Variants in DNASE1 observed in about 807,000 individuals in gnomAD.
DNASE1 encodes deoxyribonuclease 1.
A neutral mutation model predicts 33.9 loss-of-function variants in DNASE1; 40 were observed. That is an observed-to-expected ratio of 1.18 (90% CI 0.92 to 1.54). The LOEUF (loss-of-function observed/expected upper bound fraction) is 1.54. Among genes scored for constraint, DNASE1 ranks in the 40% most tolerant of loss-of-function variants. The probability of loss-of-function intolerance (pLI) is 0.00; values close to 1 mark genes in which losing one functional copy is unlikely to be tolerated. For synonymous variants in DNASE1, 216 were observed against 160.0 expected (o/e 1.35, Z -2.64); for missense variants, 518 against 372.6 (o/e 1.39, Z -3.21).
downstream of DNASE1, chr16:3,658,922 C>T: frequency 6.4e-7 from 1 of 1,571,988 alleles, no homozygotes; most frequent in Non-Finnish European, 8.7e-7. Flanking sequence ...GTGACCCTCC[C>T]TTCATGTTTT....
chr16:3,651,011 C>T (rs1261425716), upstream of DNASE1: 1 of 152,200 alleles, frequency 6.6e-6, no homozygotes, highest in Admixed American at 6.6e-5. Context: ...TGATGGTGCT[C>T]TGTGAGTTCA....
chr16:3,657,202 G>GGCGACTTCAAT lies in DNASE1; in HGVS notation c.569_579dup (p.Gly194ThrfsTer9). 6.2e-7 allele frequency: 1 copy of GGCGACTTCAAT among 1,614,088 alleles called. No individual in the cohort carries two copies. The highest frequency in any genetic ancestry group is 1.3e-5 in the African/African-American group (1 of 75,044). On this transcript the variant is annotated frameshift_variant, in exon 7 of 9. Coordinates refer to ENST00000246949, the MANE Select transcript of DNASE1 (RefSeq NM_005223.4). LOFTEE classifies it high-confidence loss of function. The stretch of plus-strand genomic sequence containing the variant: ...TTCCTGGTAGGACGTCATGTTGATG[G>GGCGACTTCAAT]GCGACTTCAATGCGGGCTGCAGCTA...
chr16:3,646,046 T>G (rs2042163473), intron 1 of DNASE1, among the ~76,000 whole-genome samples: 1 of 151,780 alleles, frequency 6.6e-6, no homozygotes, highest in Non-Finnish European at 1.5e-5. Context: ...GAACCCCGAG[T>G]AGAGCCAGCC....
intron 1 of DNASE1, among the ~76,000 whole-genome samples, chr16:3,647,997 G>A (rs550485640): frequency 2.0e-5 from 3 of 152,142 alleles, no homozygotes; most frequent in South Asian, 4.2e-4. Context: ...GCAAAACCCC[G>A]TCTTTACTGA....
At chr16:3,661,946 G>A (rs1376606006), downstream of DNASE1, 1 of 1,554,942 alleles carries the variant, frequency 6.4e-7, no homozygotes, top group Admixed American at 1.9e-5. Flanking sequence ...CAGGATTCTG[G>A]GGAATCCCAC....
chr16:3,638,095 G>T (rs59998747), upstream of DNASE1, among the ~76,000 whole-genome samples: 1 of 136,166 alleles, frequency 7.3e-6, no homozygotes, highest in Non-Finnish European at 1.5e-5. Context: ...CAGTTGACCA[G>T]TTTTTGTGAG....
At chr16:3,663,017 G>T, downstream of DNASE1, 1 of 1,441,798 alleles carries the variant, frequency 6.9e-7, no homozygotes, top group African/African-American at 1.4e-5. Context: ...CCAACTCCCC[G>T]GCTTCCATGG....
Position 3,657,038 on chromosome 16 carries a change from C to CG in DNASE1, c.481dup (p.Asp161GlyfsTer11). ...GCCATTGTTCCCCTGCATGCGGCCCCGGGGGACGCAGTAGCCGAGATCGAC... is the reference window on the plus strand; with the variant it reads ...GCCATTGTTCCCCTGCATGCGGCCCCGGGGGGACGCAGTAGCCGAGATCGAC... On this transcript the variant is annotated frameshift_variant, in exon 6 of 9. Coordinates refer to ENST00000246949, the MANE Select transcript of DNASE1 (RefSeq NM_005223.4). LOFTEE classifies it high-confidence loss of function. The CG allele has an allele frequency of 6.2e-7, 1 of 1,613,572 alleles. No individual in the cohort carries two copies. The highest frequency in any genetic ancestry group is 1.1e-5 in the South Asian group (1 of 91,068).
chr16:3,662,151 G>A, downstream of DNASE1: 1 of 1,605,518 alleles, frequency 6.2e-7, no homozygotes, highest in South Asian at 1.1e-5. Flanking sequence ...AAAGCCCGGG[G>A]TTGAGGGTGA....
rs200149984 is a variant in DNASE1, at chr16:3,657,727, G to A, written c.712G>A (p.Val238Ile). The change falls in exon 8 of 9, where the codon GTT becomes ATT. Residue 238 changes from valine (V) to isoleucine (I), a missense_variant. By Grantham distance (29) the Val-to-Ile change is conservative. Coordinates refer to ENST00000246949, the MANE Select transcript of DNASE1 (RefSeq NM_005223.4). ...CTTCCCAACACCCATCAGGATCGTG[G>A]TTGCAGGGATGCTGCTCCGAGGCGC... ...PTHCAYDRIV[V>I]AGMLLRGAVV... 4.6e-5 allele frequency: 75 copies of A among 1,613,934 alleles called. No homozygotes were observed. Among genetic ancestry groups the A allele is most frequent in the Non-Finnish European group, 3.0e-5 (35 of 1,180,028 alleles).
chr16:3,617,029 A>G (rs1159682534), intron 1 of DNASE1, among the ~76,000 whole-genome samples: 1 of 152,106 alleles, frequency 6.6e-6, no homozygotes, highest in Non-Finnish European at 1.5e-5. Context: ...AAGAGTGAAA[A>G]CTATAAAACT....
chr16:3,657,254 T>C lies in DNASE1; in HGVS notation c.617T>C (p.Ile206Thr). 1 of 1,613,942 alleles carries C rather than the reference T, an allele frequency of 6.2e-7. No individual in the cohort carries two copies. The highest frequency in any genetic ancestry group is 1.3e-5 in the African/African-American group (1 of 75,052). ...GTGAGACCCTCCCAGTGGTCATCCA[T>C]CCGCCTGTGGACAAGCCCCACCTTC... ...SYVRPSQWSS[I>T]RLWTSPTFQW... Residue 206 changes from isoleucine to threonine, a missense_variant, in exon 7 of 9, where the codon ATC (isoleucine) becomes ACC (threonine). Physicochemically the swap from Ile to Thr is moderately conservative, Grantham distance 89 (BLOSUM62 -1). Coordinates refer to ENST00000246949, the MANE Select transcript of DNASE1 (RefSeq NM_005223.4).
At chr16:3,646,679 G>A (rs552430293) in intron 1 of DNASE1, among the ~76,000 whole-genome samples, 1 of 152,278 alleles carries the variant, frequency 6.6e-6, no homozygotes, top group African/African-American at 2.4e-5. Flanking sequence ...ATTTTAAGTA[G>A]GGGAATAAAG....
At chr16:3,663,411 A>G in exon 10 of DNASE1, 1 of 1,614,012 alleles carries the variant, frequency 6.2e-7, no homozygotes, top group Non-Finnish European at 8.5e-7. Context: ...CCTAGAGAGC[A>G]GGGGATGCCG....
upstream of DNASE1, chr16:3,654,492 C>G (rs575102670): frequency 2.3e-5 from 9 of 398,728 alleles, no homozygotes; most frequent in African/African-American, 1.8e-4. Flanking sequence ...GCTTTGGCCT[C>G]TTTGTCCAAA....
At chr16:3,663,014 C>T (rs2043173176), downstream of DNASE1, 2 of 1,498,094 alleles carry the variant, frequency 1.3e-6, no homozygotes, top group African/African-American at 2.8e-5. Context: ...ATCCCAACTC[C>T]CCGGCTTCCA....
At chr16:3,651,977 T>G (rs2042350182), upstream of DNASE1, 1 of 152,362 alleles carries the variant, frequency 6.6e-6, no homozygotes, top group African/African-American at 2.4e-5. Flanking sequence ...TCCAGACGGT[T>G]GAAGGCCCAA....
chr16:3,628,997 C>T (rs1596577638), intron 1 of DNASE1, among the ~76,000 whole-genome samples: 1 of 149,150 alleles, frequency 6.7e-6, no homozygotes, highest in South Asian at 2.1e-4. Flanking sequence ...CATAGTGAAA[C>T]CCTGTCTCTA....
intron 1 of DNASE1, among the ~76,000 whole-genome samples, chr16:3,643,744 T>C (rs2042089826): frequency 6.6e-6 from 1 of 152,166 alleles, no homozygotes; most frequent in African/African-American, 2.4e-5. Flanking sequence ...TCTGTTTTAT[T>C]TTTTTATTTT....
Sources: allele counts gnomAD v4.1 joint callset (sites outside exome capture counted in the v4.1 genomes callset), GRCh38; gene constraint gnomAD v4.1.1; transcripts MANE v1.5; gene names NCBI Gene and HGNC (gene_info 2026-07-23, HGNC 2026-07-21).